CCDC7: variants seen among roughly 807,000 people sequenced by gnomAD.
CCDC7 encodes the protein coiled-coil domain-containing protein 7.
A neutral mutation model predicts 196.9 loss-of-function variants in CCDC7; 183 were observed. The ratio of observed to expected loss-of-function variants is 0.93; its 90% CI spans 0.82 to 1.05. The LOEUF is 1.05. Among genes scored for constraint, CCDC7 ranks in the 50% least tolerant of loss-of-function variants. CCDC7 has a pLI of 0.00. For missense variants in CCDC7, 1,540 were observed against 1,482.2 expected (o/e 1.04, Z -0.64); for synonymous variants, 525 against 484.6 (o/e 1.08, Z -1.10).
At chr10:32,627,243 T>C (rs1759664) in intron 18 of CCDC7, among the ~76,000 whole-genome samples, 126,523 of 151,766 alleles carry the variant, frequency 0.83, 53,366 homozygotes, top group Non-Finnish European at 0.9. Context: ...AGGTCTTTTA[T>C]CTCTTTGGTC....
At chr10:32,610,361 C>A (rs369025249) in intron 18 of CCDC7, among the ~76,000 whole-genome samples, 60 of 152,158 alleles carry the variant, frequency 3.9e-4, no homozygotes, top group African/African-American at 1.4e-3. Flanking sequence ...GCCTCGGCCT[C>A]CCAAAGTGCT....
At chr10:32,780,819 C>A (rs1366360312) in intron 29 of CCDC7, among the ~76,000 whole-genome samples, 3 of 152,098 alleles carry the variant, frequency 2.0e-5, no homozygotes, top group Non-Finnish European at 4.4e-5. Flanking sequence ...AAACTCTTCA[C>A]ACAAAAGGCA....
intron 41 of CCDC7, among the ~76,000 whole-genome samples, chr10:32,870,287 G>C (rs1490844069): frequency 6.6e-6 from 1 of 152,100 alleles, no homozygotes; most frequent in Non-Finnish European, 1.5e-5. Context: ...GCAGTGGTTT[G>C]TAGTTCTCCT....
chr10:32,444,885 G>A (rs148434636), upstream of CCDC7, among the ~76,000 whole-genome samples: 1,277 of 145,872 alleles, frequency 8.8e-3, 28 homozygotes, highest in African/African-American at 0.03. Flanking sequence ...ATGGAGTCTC[G>A]CTCTGTTGCC....
intron 30 of CCDC7, among the ~76,000 whole-genome samples, chr10:32,812,465 A>T (rs1303862748): frequency 1.3e-5 from 2 of 152,094 alleles, no homozygotes; most frequent in Non-Finnish European, 2.9e-5. Flanking sequence ...AAAATGGGGA[A>T]CGGAATACAG....
At chr10:32,725,738 C>A (rs1335992) in intron 25 of CCDC7, among the ~76,000 whole-genome samples, 5,879 of 152,034 alleles carry the variant, frequency 0.039, 119 homozygotes, top group Middle Eastern at 0.051. Flanking sequence ...GGGGGACATC[C>A]CAATGTCTTT....
At chr10:32,783,301 T>G (rs1433371070) in intron 29 of CCDC7, among the ~76,000 whole-genome samples, 1 of 152,158 alleles carries the variant, frequency 6.6e-6, no homozygotes, top group African/African-American at 2.4e-5. Context: ...CAAGGAAGTT[T>G]TATAAATTAA....
intron 21 of CCDC7, among the ~76,000 whole-genome samples, chr10:32,674,005 ATAAT>A (rs1258217538): frequency 2.0e-5 from 3 of 151,746 alleles, no homozygotes; most frequent in African/African-American, 4.8e-5. Flanking sequence ...TCTCTTTTTA[ATAAT>A]TAATCTAGCT....
At chr10:32,565,740 C>T in intron 14 of CCDC7, 120 bp downstream of exon 15, 1 of 1,072,658 alleles carries the variant, frequency 9.3e-7, no homozygotes, top group Non-Finnish European at 1.3e-6. Context: ...TACTATTTGG[C>T]TAGGTTTAAA....
At chr10:32,733,165 A>C (rs1320579589) in intron 28 of CCDC7, among the ~76,000 whole-genome samples, 3 of 152,056 alleles carry the variant, frequency 2.0e-5, no homozygotes. Flanking sequence ...TTGATTATAA[A>C]ATATGAATAC....
At chr10:32,880,329 T>C (rs1366758403), downstream of CCDC7, among the ~76,000 whole-genome samples, 1 of 152,204 alleles carries the variant, frequency 6.6e-6, no homozygotes, top group Non-Finnish European at 1.5e-5. Flanking sequence ...TTCATGTGTT[T>C]CTTGGCCACA....
intron 2 of CCDC7, among the ~76,000 whole-genome samples, chr10:32,454,569 A>G (rs1436358209): frequency 6.7e-6 from 1 of 148,868 alleles, no homozygotes; most frequent in East Asian, 2.0e-4. Flanking sequence ...TAAATCTAAA[A>G]CAAAAGTTAA....
chr10:32,471,855 T>C (rs776946719), intron 6 of CCDC7, among the ~76,000 whole-genome samples: 1 of 152,184 alleles, frequency 6.6e-6, no homozygotes, highest in Non-Finnish European at 1.5e-5. Context: ...AGTTGGCTCC[T>C]GGGGGTTGCA....
At chr10:32,725,273 T>C (rs2082950252) in intron 25 of CCDC7, 1 of 468,484 alleles carries the variant, frequency 2.1e-6, no homozygotes, top group Non-Finnish European at 4.4e-6. Flanking sequence ...TATAATACTT[T>C]GAAACTTTTA....
intron 37 of CCDC7, 102 bp downstream of exon 38, chr10:32,846,561 GT>G: frequency 1.6e-6 from 1 of 634,550 alleles, no homozygotes; most frequent in Non-Finnish European, 2.7e-6. Flanking sequence ...ACATGTTAGT[GT>G]TACATAGGTA....
At chr10:32,451,663 G>C in exon 1 of CCDC7, 1 of 1,608,766 alleles carries the variant, frequency 6.2e-7, no homozygotes. Flanking sequence ...TAAAGCATCT[G>C]TTGACCACCA....
At chr10:32,763,078 A>G (rs1454421606) in intron 28 of CCDC7, among the ~76,000 whole-genome samples, 1 of 151,982 alleles carries the variant, frequency 6.6e-6, no homozygotes, top group Non-Finnish European at 1.5e-5. Flanking sequence ...GAGAGCCAAC[A>G]GATTCAGAGA....
chr10:32,710,002 G>A (rs768480057), intron 24 of CCDC7, among the ~76,000 whole-genome samples: 2 of 152,094 alleles, frequency 1.3e-5, no homozygotes, highest in Admixed American at 6.5e-5. Context: ...AGAGAGCATG[G>A]GTTTGCCAAA....
intron 20 of CCDC7, among the ~76,000 whole-genome samples, chr10:32,662,168 A>G (rs947196252): frequency 6.6e-5 from 10 of 152,136 alleles, no homozygotes; most frequent in African/African-American, 2.4e-4. Flanking sequence ...CAATCACTGC[A>G]CTGTTTCTCT....
Sources: allele counts gnomAD v4.1 joint callset (sites outside exome capture counted in the v4.1 genomes callset), GRCh38; gene constraint gnomAD v4.1.1; transcripts MANE v1.5; gene names NCBI Gene and HGNC (gene_info 2026-07-23, HGNC 2026-07-21).